GTPBP1: variants seen among roughly 807,000 people sequenced by gnomAD.
The protein encoded by GTPBP1 is GTP binding protein 1.
A neutral mutation model predicts 62.0 loss-of-function variants in GTPBP1; 23 were observed. The observed-to-expected ratio is 0.37, with a 90% confidence interval of 0.27 to 0.53. The LOEUF is 0.53. Among genes scored for constraint, GTPBP1 ranks in the 20% least tolerant of loss-of-function variants. The pLI is 0.89. For synonymous variants in GTPBP1, 344 were observed against 364.4 expected, an observed-to-expected ratio of 0.94 and a Z score of 0.64; for missense variants, 640 against 917.3, an observed-to-expected ratio of 0.70 and a Z score of 3.90.
At chr22:38,741,041 C>T, downstream of GTPBP1, 1 of 1,597,416 alleles carries the variant, frequency 6.3e-7, no homozygotes, top group South Asian at 1.1e-5. Context: ...TGGATGCGAG[C>T]CTCGGACTCC....
chr22:38,736,229 A>C (rs1310196621), downstream of GTPBP1: 6 of 1,584,668 alleles, frequency 3.8e-6, no homozygotes, highest in Admixed American at 1.0e-4. Context: ...CTGTTCACCC[A>C]CTCCCAGATG....
rs1281161233 is a variant in GTPBP1 at position 38,728,035 on chromosome 22, C to T, written c.1590C>T (p.Asp530=). The change falls in exon 10 of 12, where the codon GAC becomes GAT. Residue 530 remains aspartate, a synonymous_variant. Transcript: ENST00000216044. ...CCACCATTCTGAGCATGGACAAGGA[C>T]TGTCTGCGCACTGGGGACAAGGCCA... is the stretch of plus-strand genomic sequence containing the variant. ...QTATILSMDK[D]CLRTGDKATV... 2.5e-6 allele frequency: 4 copies of T among 1,613,618 alleles called. No individual in the cohort carries two copies. The Admixed American group carries it at 6.7e-5, about 27-fold the overall frequency.
chr22:38,742,404 C>G (rs913212748), downstream of GTPBP1: 1 of 1,613,216 alleles, frequency 6.2e-7, no homozygotes, highest in Non-Finnish European at 8.5e-7. Context: ...GTGGCTCAGG[C>G]CACCACCACC....
Position 38,715,980 on chromosome 22 carries a change from G to C in GTPBP1, c.378G>C (p.Gln126His). The change falls in exon 3 of 12, where the codon CAG becomes CAC. Residue 126 changes from glutamine (Q) to histidine (H), a missense_variant. Gln to His is a conservative substitution (Grantham distance 24, BLOSUM62 0). This residue lies in a region of GTPBP1 where 215 missense variants were observed against 235.1 expected (regional missense o/e 0.91). Transcript: ENST00000216044. ...CCACAGTGAAGAGCATGGCGGAACA[G>C]ATAGAGGCCGATGTCATCCTTCTGC... ...SYATVKSMAE[Q>H]IEADVILLRE... 1.2e-6 allele frequency: 2 copies of C among 1,614,120 alleles called. No individual in the cohort carries two copies. The highest frequency in any genetic ancestry group is 1.7e-6 in the Non-Finnish European group (2 of 1,179,980).
chr22:38,712,349 G>A (rs959813723), intron 2 of GTPBP1, among the ~76,000 whole-genome samples: 1 of 152,128 alleles, frequency 6.6e-6, no homozygotes, highest in Non-Finnish European at 1.5e-5. Context: ...ATATATAGTG[G>A]ACCAAAAGTA....
chr22:38,730,701 C>T lies in GTPBP1; in HGVS notation c.2007C>T (p.Cys669=), dbSNP rs761391818. Residue 669 remains cysteine (C), a synonymous_variant, in exon 12 of 12, where the codon TGC becomes TGT. Transcript: ENST00000216044. This position sits in a 1 kb window ranked among gnomAD's most constrained non-coding sequence, Gnocchi z 5.6. The part of the protein sequence containing the change: ...QGACVTPASG[C] ...CCTGTGTGACTCCTGCCAGCGGCTG[C>T]TGAACCTTCCCCTGGCCCACCCTCA... 4.5e-6 allele frequency: 7 copies of T among 1,570,622 alleles called. No individual in the cohort carries two copies. The highest frequency in any genetic ancestry group is 6.1e-6 in the Non-Finnish European group (7 of 1,154,440).
downstream of GTPBP1, among the ~76,000 whole-genome samples, chr22:38,733,964 T>C (rs534830643): frequency 2.0e-5 from 3 of 152,294 alleles, no homozygotes; most frequent in Admixed American, 1.3e-4. Flanking sequence ...TCTCCTTTGT[T>C]TAGATGGCGT....
downstream of GTPBP1, chr22:38,734,136 CT>C (rs1002871583): frequency 8.1e-5 from 25 of 307,948 alleles, no homozygotes; most frequent in African/African-American, 5.6e-4. Context: ...GGCTTTCTGC[CT>C]TTGTTTTCTC....
rs77286134 is a variant in GTPBP1, at chr22:38,713,016, G to C, written c.305-2891G>C. Among the ~76,000 whole-genome samples the C allele has an allele frequency of 9.6e-3, 1,464 of 152,304 alleles. 31 individuals carry two copies. Among genetic ancestry groups the C allele is most frequent in the African/African-American group, 0.034 (1,424 of 41,560 alleles). Reference sequence around the variant, plus strand: ...GATGCTTATGTATTGTGCGGGGAGGGGAGGATGTGTATCCAAAACACTGTT... The same window carrying C: ...GATGCTTATGTATTGTGCGGGGAGGCGAGGATGTGTATCCAAAACACTGTT... On this transcript the variant is annotated intron_variant, in intron 2 of 11. Coordinates refer to ENST00000216044, the MANE Select transcript of GTPBP1 (RefSeq NM_004286.5).
At chr22:38,708,715 G>T in intron 1 of GTPBP1, 130 bp from the exon 2 acceptor site, 1 of 634,338 alleles carries the variant, frequency 1.6e-6, no homozygotes, top group South Asian at 1.8e-5. Flanking sequence ...GCATGAAGGG[G>T]CTGTGCAGCC....
downstream of GTPBP1, chr22:38,741,441 T>G: frequency 6.4e-7 from 1 of 1,568,352 alleles, no homozygotes; most frequent in South Asian, 1.1e-5. Context: ...GGTGAACATG[T>G]TGGATGGGGT....
chr22:38,739,844 G>A (rs770475003), downstream of GTPBP1: 30 of 1,613,420 alleles, frequency 1.9e-5, no homozygotes, highest in Non-Finnish European at 2.3e-5. The surrounding 1 kb of genome is among the most constrained non-coding windows in gnomAD (Gnocchi z 6.7). Context: ...TCCAGCTCTC[G>A]CAGCTGAGCT....
chr22:38,737,323 T>G (rs1192121439), downstream of GTPBP1, among the ~76,000 whole-genome samples: 1 of 151,934 alleles, frequency 6.6e-6, no homozygotes, highest in Non-Finnish European at 1.5e-5. The surrounding 1 kb of genome is among the most constrained non-coding windows in gnomAD (Gnocchi z 4.1). Flanking sequence ...CGCAGTGGCT[T>G]CTTCCTCCCA....
In GTPBP1 at chr22:38,729,640, C is replaced by T. The variant is rs766931873; in HGVS notation, c.1895C>T (p.Ala632Val). 15 of 1,504,620 alleles carry T rather than the reference C, an allele frequency of 1.0e-5. No homozygotes were observed. Among genetic ancestry groups the T allele is most frequent in the East Asian group, 9.8e-5 (4 of 40,808 alleles). 93.2% of individuals were successfully genotyped at this position (1,504,620 alleles called of 1,614,324 possible). The change falls in exon 11 of 12, where the codon GCG (alanine) becomes GTG (valine). Residue 632 changes from alanine to valine, a missense_variant. Ala to Val is a moderately conservative substitution (Grantham distance 64). Coordinates refer to ENST00000216044, the MANE Select transcript of GTPBP1 (RefSeq NM_004286.5). ...ASSVGAGQPA[A>V]SSNLQPQPKP... ...TCTGTAGGGGCAGGGCAACCAGCTGCGTCCAGCAATCTCCAGCCTCAGGTG... is the reference window on the plus strand; with the variant it reads ...TCTGTAGGGGCAGGGCAACCAGCTGTGTCCAGCAATCTCCAGCCTCAGGTG...
chr22:38,707,711 C>T (rs1355180591), intron 1 of GTPBP1, among the ~76,000 whole-genome samples: 1 of 152,140 alleles, frequency 6.6e-6, no homozygotes, highest in Admixed American at 6.5e-5. Flanking sequence ...CATTTCTTGA[C>T]CAGCTCATTT....
chr22:38,724,881 A>C lies in GTPBP1; in HGVS notation c.1073+470A>C, dbSNP rs142650933. Reference sequence around the variant, plus strand: ...GATCAGTTTTGGCATTTACTCATTAATGTATTCTTTCATTCCATAAATATT... The same window carrying C: ...GATCAGTTTTGGCATTTACTCATTACTGTATTCTTTCATTCCATAAATATT... On this transcript the variant is annotated intron_variant, in intron 6 of 11. Coordinates refer to ENST00000216044, the MANE Select transcript of GTPBP1 (RefSeq NM_004286.5). Among the ~76,000 whole-genome samples the C allele has an allele frequency of 2.8e-3, 433 of 152,290 alleles. 3 individuals carry two copies. The highest frequency in any genetic ancestry group is 0.01 in the African/African-American group (420 of 41,552).
chr22:38,739,661 C>T, downstream of GTPBP1: 2 of 1,572,836 alleles, frequency 1.3e-6, no homozygotes, highest in Admixed American at 1.7e-5. The surrounding 1 kb of genome is among the most constrained non-coding windows in gnomAD (Gnocchi z 6.7). Flanking sequence ...GTGGGACTGT[C>T]CAGGGCTCCC....
chr22:38,739,180 T>C, downstream of GTPBP1: 2 of 921,856 alleles, frequency 2.2e-6, no homozygotes, highest in South Asian at 1.5e-5. This position sits in a 1 kb window ranked among gnomAD's most constrained non-coding sequence, Gnocchi z 6.7. Flanking sequence ...ACGTCCTGAC[T>C]TCCCTGAATT....
chr22:38,740,798 C>G (rs1044638523), downstream of GTPBP1: 25 of 611,312 alleles, frequency 4.1e-5, no homozygotes, highest in Middle Eastern at 4.4e-4. This position sits in a 1 kb window ranked among gnomAD's most constrained non-coding sequence, Gnocchi z 4.8. Context: ...GCCTGCCCCC[C>G]GCCCTCAGGA....
Sources: gnomAD v4.1 joint callset for allele counts (sites outside exome capture counted in the v4.1 genomes callset) on GRCh38, gnomAD v4.1.1 for gene constraint, gnomAD v4.1.1 regional missense constraint, Gnocchi (gnomAD v3.1) non-coding constraint, MANE v1.5 for transcripts, NCBI Gene and HGNC (gene_info 2026-07-23, HGNC 2026-07-21) for gene names.